The following AXIN1 variants were observed in gnomAD, a reference collection of about 807,000 sequenced individuals.
AXIN1 encodes axin-1.
Under a neutral mutation model 76.4 loss-of-function variants are expected in AXIN1, and 30 were observed. The observed-to-expected ratio is 0.39, with a 90% CI of 0.29 to 0.53. The LOEUF is 0.53. Ranked by LOEUF, AXIN1 falls within the 20% of genes least tolerant of loss-of-function variation. AXIN1 has a pLI of 0.66. For missense variants in AXIN1, 1,140 were observed against 1,198.8 expected (o/e 0.95, Z 0.72); for synonymous variants, 545 against 501.4 (o/e 1.09, Z -1.16).
intron 2 of AXIN1, among the ~76,000 whole-genome samples, chr16:343,136 C>T (rs145583016): frequency 4.1e-3 from 624 of 152,290 alleles, no homozygotes; most frequent in Admixed American, 6.7e-3. Context: ...TCCTCTGCCA[C>T]CAGCAGCCCC....
rs139839057 is a variant in AXIN1, at chr16:293,580, G to C, written c.2094C>G (p.His698Gln). ...GCTGGGTTAGGGGGTTGGGAGCTGGGTGGGGTGGCATGGTGGGGTCTTGGA... is the reference window on the plus strand; with the variant it reads ...GCTGGGTTAGGGGGTTGGGAGCTGGCTGGGGTGGCATGGTGGGGTCTTGGA... ...LFIQDPTMPP[H>Q]PAPNPLTQLE... Residue 698 changes from histidine (H) to glutamine (Q), a missense_variant, in exon 8 of 11, where the codon CAC becomes CAG. This residue lies in a region of AXIN1 where 429 missense variants were observed against 405.8 expected (regional missense o/e 1.06). Coordinates refer to ENST00000262320, the MANE Select transcript of AXIN1 (RefSeq NM_003502.4). This position sits in a 1 kb window ranked among gnomAD's most constrained non-coding sequence, Gnocchi z 4.6. 3 of 1,612,700 alleles carry C rather than the reference G, an allele frequency of 1.9e-6. No individual in the cohort carries two copies. Among genetic ancestry groups the C allele is most frequent in the Non-Finnish European group, 2.5e-6 (3 of 1,179,970 alleles).
At chr16:296,245 G>C (rs541189387) in intron 7 of AXIN1, among the ~76,000 whole-genome samples, 1 of 152,368 alleles carries the variant, frequency 6.6e-6, no homozygotes, top group African/African-American at 2.4e-5. Context: ...GGAGGGCCAC[G>C]CCCCAGGCGC....
At position 346,311 on chromosome 16, in the gene AXIN1, G is replaced by A. The variant is rs1567307666; in HGVS notation, c.715C>T (p.Pro239Ser). ...CATTCCTCATCTTCATTTAAGGTCGGCAGGTATCCAGATATGCCCTTCCCT... is the reference window on the plus strand; with the variant it reads ...CATTCCTCATCTTCATTTAAGGTCGACAGGTATCCAGATATGCCCTTCCCT... The part of the protein sequence containing the change: ...GTGKGISGYL[P>S]TLNEDEEWKC... The change falls in exon 2 of 11, where the codon CCG becomes TCG. Residue 239 changes from proline (P) to serine (S), a missense_variant. By Grantham distance (74) the Pro-to-Ser change is moderately conservative. Transcript: ENST00000262320. 11 of 1,614,194 alleles carry A rather than the reference G, an allele frequency of 6.8e-6. No homozygotes were observed. The highest frequency in any genetic ancestry group is 9.3e-6 in the Non-Finnish European group (11 of 1,180,034).
intron 2 of AXIN1, among the ~76,000 whole-genome samples, chr16:342,442 G>A (rs1338012198): frequency 6.6e-6 from 1 of 152,166 alleles, no homozygotes; most frequent in Non-Finnish European, 1.5e-5. Context: ...AACACGTGAG[G>A]CCTAAGCTCC....
chr16:318,874 C>T (rs1443720932), intron 2 of AXIN1, among the ~76,000 whole-genome samples: 1 of 151,560 alleles, frequency 6.6e-6, no homozygotes, highest in South Asian at 2.1e-4. Flanking sequence ...CGGCTCTGAC[C>T]CCTGGCTGTG....
rs150141520 is a variant in AXIN1, at chr16:304,413, C to T, written c.1145G>A (p.Arg382His). ...CTCCGCGAACTTCTGAGGCTCCACG[C>T]GGACCTCCTTCGGCACCCGGTACGT... ...PRTYRVPKEV[R>H]VEPQKFAEEL... Residue 382 changes from arginine to histidine, a missense_variant, in exon 5 of 11, where the codon CGC becomes CAC. Transcript: ENST00000262320. 173 of 1,612,722 alleles carry T rather than the reference C, an allele frequency of 1.1e-4. No individual in the cohort carries two copies. In the African/African-American group the frequency reaches 2.0e-3, roughly 19 times the overall value.
At chr16:311,596 C>T (rs949074232) in intron 3 of AXIN1, among the ~76,000 whole-genome samples, 5 of 151,772 alleles carry the variant, frequency 3.3e-5, no homozygotes, top group African/African-American at 1.2e-4. Context: ...ACGGTGAAAC[C>T]CCGTCTCTAC....
In AXIN1 at chr16:352,414, C is replaced by G. The variant is rs1397157030; in HGVS notation, c.-127G>C. The G allele has an allele frequency of 6.0e-6, 5 of 830,974 alleles. No homozygotes were observed. The highest frequency in any genetic ancestry group is 6.3e-5 in the African/African-American group (1 of 15,836). The allele number at this position is 830,974 out of a possible 1,614,324, so 51.5% of individuals were successfully genotyped here. On this transcript the variant is annotated 5_prime_UTR_variant, in exon 1 of 11. Coordinates refer to ENST00000262320, the MANE Select transcript of AXIN1 (RefSeq NM_003502.4). ...ACCCCGGGCCCGGCTCCCGGAGCGG[C>G]GCGGCGCGGTCCGGGCCCATGCGCT... is the stretch of plus-strand genomic sequence containing the variant.
At chr16:294,379 C>T (rs1280036475) in intron 7 of AXIN1, among the ~76,000 whole-genome samples, 1 of 145,314 alleles carries the variant, frequency 6.9e-6, no homozygotes, top group Admixed American at 7.1e-5. Context: ...AGGAGAATCG[C>T]TTGAACCTGG....
Position 293,635 on chromosome 16 carries a change from C to T in AXIN1, c.2039G>A (p.Arg680Gln), listed in dbSNP as rs375187798. Reference sequence around the variant, plus strand: ...GAGGTGGGAGGGCTGCACGGAGGTCCGGAGCTGAGGGCCGGCCCAGGGGTG... The same window carrying T: ...GAGGTGGGAGGGCTGCACGGAGGTCTGGAGCTGAGGGCCGGCCCAGGGGTG... ...LEHPWAGPQL[R>Q]TSVQPSHLFI... Residue 680 changes from arginine to glutamine, a missense_variant, in exon 8 of 11, where the codon CGG (arginine) becomes CAG (glutamine). Coordinates refer to ENST00000262320, the MANE Select transcript of AXIN1 (RefSeq NM_003502.4). This position sits in a 1 kb window ranked among gnomAD's most constrained non-coding sequence, Gnocchi z 4.6. 35 of 1,613,466 alleles carry T rather than the reference C, an allele frequency of 2.2e-5. No individual in the cohort carries two copies. In the Middle Eastern group the frequency reaches 8.3e-4, roughly 38 times the overall value.
At chr16:311,227 T>G (rs1265213476) in intron 3 of AXIN1, among the ~76,000 whole-genome samples, 2 of 151,588 alleles carry the variant, frequency 1.3e-5, no homozygotes, top group Non-Finnish European at 2.9e-5. Flanking sequence ...AGACGGGGTT[T>G]CACTGTGTTA....
intron 7 of AXIN1, 114 bp downstream of exon 7, chr16:296,942 A>C (rs2052726195): frequency 1.6e-6 from 2 of 1,281,452 alleles, no homozygotes; most frequent in East Asian, 4.6e-5. Context: ...GGGAAGTGTG[A>C]GGCGTCACAG....
In AXIN1 at chr16:323,457, A is replaced by C. The variant is rs1445175326; in HGVS notation, c.879-8774T>G. 4.8e-5 allele frequency among the ~76,000 whole-genome samples: 7 copies of C among 144,820 alleles called. No individual in the cohort carries two copies. The East Asian group carries it at 9.8e-4, about 20-fold the overall frequency. On this transcript the variant is annotated intron_variant, in intron 2 of 10. Coordinates refer to ENST00000262320, the MANE Select transcript of AXIN1 (RefSeq NM_003502.4). ...CCGTCTCAAAAAAAAAAAAAAAGAA[A>C]GAAAAAAAGCCAAAATAAGATTAAA... is the stretch of plus-strand genomic sequence containing the variant.
chr16:295,250 A>G (rs2052680096), intron 7 of AXIN1, among the ~76,000 whole-genome samples: 1 of 151,206 alleles, frequency 6.6e-6, no homozygotes, highest in Non-Finnish European at 1.5e-5. Context: ...GATTACTGGC[A>G]CTCGCCACCA....
chr16:296,917 G>T (rs938893442), intron 7 of AXIN1, 139 bp downstream of exon 7: 3 of 1,076,360 alleles, frequency 2.8e-6, no homozygotes, highest in African/African-American at 3.1e-5. Context: ...GCCCGGGAGG[G>T]TGCCACAGTG....
intron 6 of AXIN1, among the ~76,000 whole-genome samples, 192 bp from the exon 7 acceptor site, chr16:297,418 T>G (rs2052743917): frequency 6.6e-6 from 1 of 151,030 alleles, no homozygotes; most frequent in African/African-American, 2.4e-5. Context: ...CCCTGCCCGC[T>G]GTCCTGGTGC....
intron 2 of AXIN1, among the ~76,000 whole-genome samples, chr16:344,906 C>A (rs12925148): frequency 0.095 from 14,477 of 152,194 alleles, 777 homozygotes; most frequent in South Asian, 0.25. Flanking sequence ...AGAACTAATG[C>A]GAGTTTTTAA....
intron 4 of AXIN1, 139 bp from the exon 5 acceptor site, chr16:304,580 G>T: frequency 1.5e-6 from 2 of 1,357,040 alleles, no homozygotes; most frequent in Non-Finnish European, 2.0e-6. Flanking sequence ...TGTCACCCAG[G>T]CTGGAGTGCA....
At chr16:298,402 G>T (rs1242769392) in intron 5 of AXIN1, 151 bp from the exon 6 acceptor site, 3 of 957,726 alleles carry the variant, frequency 3.1e-6, no homozygotes, top group Non-Finnish European at 4.8e-6. Context: ...TGTCCCTGAG[G>T]ATGGAGAGGC....
Sources: gnomAD v4.1 joint callset for allele counts (sites outside exome capture counted in the v4.1 genomes callset) on GRCh38, gnomAD v4.1.1 for gene constraint, gnomAD v4.1.1 regional missense constraint, Gnocchi (gnomAD v3.1) non-coding constraint, MANE v1.5 for transcripts, NCBI Gene and HGNC (gene_info 2026-07-23, HGNC 2026-07-21) for gene names.